Variants in RBFOX1 observed in about 807,000 individuals in gnomAD.
RBFOX1 encodes the protein RNA binding protein fox-1 homolog 1.
In RBFOX1, 8 loss-of-function variants were observed where a neutral mutation model predicts 57.7. The ratio of observed to expected loss-of-function variants is 0.14; its 90% CI spans 0.08 to 0.25. The LOEUF is 0.25. RBFOX1 is among the 10% of genes least tolerant of loss of function. The probability of loss-of-function intolerance (pLI) is 1.00; values close to 1 mark genes in which losing one functional copy is unlikely to be tolerated. For synonymous variants in RBFOX1, 326 were observed against 222.4 expected (o/e 1.47, Z -4.15); for missense variants, 611 against 548.5 (o/e 1.11, Z -1.14).
At chr16:7,157,148 A>G (rs536545090) in intron 4 of RBFOX1, among the ~76,000 whole-genome samples, 1 of 152,304 alleles carries the variant, frequency 6.6e-6, no homozygotes, top group African/African-American at 2.4e-5. Context: ...GGCACAGGAT[A>G]AGGGAAGCAA....
intron 1 of RBFOX1, among the ~76,000 whole-genome samples, chr16:6,075,650 G>A (rs755844443): frequency 2.0e-5 from 3 of 152,148 alleles, no homozygotes; most frequent in Non-Finnish European, 4.4e-5. Context: ...AGATTTTTGT[G>A]ATATTAATCC....
At chr16:6,807,432 G>A (rs2087125533) in intron 3 of RBFOX1, among the ~76,000 whole-genome samples, 1 of 152,060 alleles carries the variant, frequency 6.6e-6, no homozygotes, top group Non-Finnish European at 1.5e-5. Flanking sequence ...CACCTGGATG[G>A]GAAATGCTGG....
At chr16:6,110,351 G>A (rs534715472) in intron 1 of RBFOX1, among the ~76,000 whole-genome samples, 1 of 152,020 alleles carries the variant, frequency 6.6e-6, no homozygotes, top group East Asian at 1.9e-4. Context: ...GAATAGCACA[G>A]AATTCTAGGT....
chr16:6,927,432 A>AAAAT lies in RBFOX1; in HGVS notation c.-15-124622_-15-124621insTAAA, dbSNP rs1264610471. ...TTTCTCACAAAAAAAAAAAAAAAAAAAAAAAAATCCGAACGTCTCGTGTTA... is the reference window on the plus strand; with the variant it reads ...TTTCTCACAAAAAAAAAAAAAAAAAAAAATAAAAAAATCCGAACGTCTCGTGTTA... On this transcript the variant is annotated intron_variant, in intron 3 of 15. Transcript: ENST00000550418. 1.7e-4 allele frequency among the ~76,000 whole-genome samples: 25 copies of AAAAT among 150,754 alleles called. No individual in the cohort carries two copies. The East Asian group carries it at 4.9e-3, about 29-fold the overall frequency.
At chr16:6,719,992 G>A (rs564106207) in intron 3 of RBFOX1, among the ~76,000 whole-genome samples, 1 of 151,966 alleles carries the variant, frequency 6.6e-6, no homozygotes, top group Non-Finnish European at 1.5e-5. Context: ...TACCTGGGAG[G>A]CTGAGGCAGG....
At chr16:7,322,240 T>C (rs1050501425) in intron 4 of RBFOX1, among the ~76,000 whole-genome samples, 17 of 152,252 alleles carry the variant, frequency 1.1e-4, no homozygotes, top group Non-Finnish European at 2.2e-4. Flanking sequence ...GTTTTGCACT[T>C]CTTAAGCACA....
intron 4 of RBFOX1, among the ~76,000 whole-genome samples, chr16:7,078,565 C>T (rs1252004077): frequency 2.6e-5 from 4 of 151,964 alleles, no homozygotes; most frequent in African/African-American, 9.7e-5. Context: ...CCAGGCTGGT[C>T]TCGAAACCCT....
chr16:6,602,058 C>G (rs904708151), intron 2 of RBFOX1, among the ~76,000 whole-genome samples: 1 of 152,154 alleles, frequency 6.6e-6, no homozygotes, highest in Non-Finnish European at 1.5e-5. Flanking sequence ...TCCTATTTCT[C>G]TCCTTTCCCT....
intron 1 of RBFOX1, among the ~76,000 whole-genome samples, chr16:6,091,222 C>T (rs529611357): frequency 1.3e-5 from 2 of 152,314 alleles, no homozygotes; most frequent in African/African-American, 2.4e-5. Context: ...CCCCCACACC[C>T]TTCCCAGCCT....
chr16:6,716,977 G>C (rs1386919305), intron 3 of RBFOX1, among the ~76,000 whole-genome samples: 3 of 152,148 alleles, frequency 2.0e-5, no homozygotes, highest in Non-Finnish European at 4.4e-5. Context: ...AATGGGATTA[G>C]TGCCCTTATA....
chr16:7,005,784 A>T (rs1010679489), intron 3 of RBFOX1, among the ~76,000 whole-genome samples: 1 of 152,200 alleles, frequency 6.6e-6, no homozygotes, highest in Non-Finnish European at 1.5e-5. Flanking sequence ...AAATCGCAAG[A>T]TGACCATTCA....
intron 2 of RBFOX1, among the ~76,000 whole-genome samples, chr16:6,513,760 A>G (rs897557158): frequency 5.3e-5 from 8 of 152,072 alleles, no homozygotes. Flanking sequence ...AACAAAAAAA[A>G]ACAAAGTCTG....
intron 2 of RBFOX1, among the ~76,000 whole-genome samples, chr16:6,612,211 T>A (rs192038374): frequency 1.3e-5 from 2 of 152,302 alleles, no homozygotes; most frequent in African/African-American, 4.8e-5. Flanking sequence ...TAAGTTTAGC[T>A]TTATAGAGAG....
Position 5,749,801 on chromosome 16 carries a change from A to G in RBFOX1, c.319-117502A>G, listed in dbSNP as rs1272332463. Among the ~76,000 whole-genome samples the G allele has an allele frequency of 2.0e-5, 3 of 152,200 alleles. No homozygotes were observed. In the East Asian group the frequency reaches 5.8e-4, roughly 29 times the overall value. On this transcript the variant is annotated intron_variant, in intron 3 of 19. Coordinates refer to the RBFOX1 transcript ENST00000641259. ...TTTCAAGGTTTTTAGCTTCTTTGCGATGGGTTCGAACTTCCTCCGTTAGTT... is the reference window on the plus strand; with the variant it reads ...TTTCAAGGTTTTTAGCTTCTTTGCGGTGGGTTCGAACTTCCTCCGTTAGTT...
chr16:6,591,047 G>C (rs1476624290), intron 2 of RBFOX1, among the ~76,000 whole-genome samples: 1 of 152,182 alleles, frequency 6.6e-6, no homozygotes, highest in Non-Finnish European at 1.5e-5. Context: ...AAGTATAATT[G>C]TGTGCTGGGC....
rs147203896 is a variant in RBFOX1, at chr16:5,559,098, A to G, written c.259-39804A>G. Among the ~76,000 whole-genome samples, 1,334 of 143,196 alleles carry G rather than the reference A, an allele frequency of 9.3e-3. 10 individuals carry two copies. Among genetic ancestry groups the G allele is most frequent in the Non-Finnish European group, 0.015 (1,013 of 66,986 alleles). The allele number at this position is 143,196 out of a possible 152,430, so 93.9% of individuals were successfully genotyped here. On this transcript the variant is annotated intron_variant, in intron 2 of 2. Coordinates refer to the RBFOX1 transcript ENST00000585867. ...AGGAAACCTGAGATTTTGATATGTG[A>G]TCAGTTTTTGTCTTGCTCCTCCATA...
At position 5,271,099 on chromosome 16, in the gene RBFOX1, C is replaced by G. The variant is rs186784963; in HGVS notation, c.219+30994C>G. On this transcript the variant is annotated intron_variant, in intron 1 of 2. Transcript: ENST00000585867. ...TCAGGAGGTTGAGGCATGAGAATCA[C>G]TTGAACCTGGGAGACAGAGGTTGCA... 36 of 194,058 alleles carry G rather than the reference C, an allele frequency of 1.9e-4. No individual in the cohort carries two copies. In the East Asian group the frequency reaches 4.7e-3, roughly 26 times the overall value. The allele number at this position is 194,058 out of a possible 1,614,324, so 12.0% of individuals were successfully genotyped here. A position where few individuals can be genotyped will look rare whatever the true frequency, so the allele number is the denominator to read the frequency against.
intron 4 of RBFOX1, among the ~76,000 whole-genome samples, chr16:7,271,642 C>T (rs2095320785): frequency 6.6e-6 from 1 of 152,048 alleles, no homozygotes; most frequent in African/African-American, 2.4e-5. Flanking sequence ...CTAACCAAGA[C>T]CATCTGATGT....
chr16:5,879,314 C>T (rs140747325), intron 4 of RBFOX1, among the ~76,000 whole-genome samples: 157 of 152,290 alleles, frequency 1.0e-3, no homozygotes, highest in Middle Eastern at 3.4e-3. Flanking sequence ...CTCCTCAGAT[C>T]GTATTTGGAC....
Sources: allele counts gnomAD v4.1 joint callset (sites outside exome capture counted in the v4.1 genomes callset), GRCh38; gene constraint gnomAD v4.1.1; transcripts MANE v1.5; gene names NCBI Gene and HGNC (gene_info 2026-07-23, HGNC 2026-07-21).